Variants in SGCD observed in about 807,000 individuals in gnomAD.
The protein encoded by SGCD is sarcoglycan delta.
In SGCD, 18 loss-of-function variants were observed where a neutral mutation model predicts 36.6. The observed-to-expected ratio is 0.49, with a 90% CI of 0.34 to 0.73. The LOEUF is 0.73. Ranked by LOEUF, SGCD falls within the 30% of genes least tolerant of loss-of-function variation. The probability of loss-of-function intolerance (pLI) is 0.01; values close to 1 mark genes in which losing one functional copy is unlikely to be tolerated. For missense variants in SGCD, 387 were observed against 346.7 expected (o/e 1.12, Z -0.92); for synonymous variants, 133 against 130.6 (o/e 1.02, Z -0.12).
At chr5:155,728,461 G>A in the SGCD span, among the ~76,000 whole-genome samples, 1 of 152,204 alleles carries the variant, frequency 6.6e-6, no homozygotes, top group Admixed American at 6.5e-5. Flanking sequence ...AGGAGGAGGG[G>A]CACGGCGGAT....
chr5:156,385,463 T>C (rs901893508), intron 3 of SGCD, among the ~76,000 whole-genome samples: 4 of 152,230 alleles, frequency 2.6e-5, no homozygotes, highest in Admixed American at 2.0e-4. Flanking sequence ...GTGGTACATT[T>C]TGAAGTTAAA....
intron 1 of SGCD, among the ~76,000 whole-genome samples, chr5:155,969,170 C>T (rs746686657): frequency 2.0e-5 from 3 of 151,998 alleles, no homozygotes; most frequent in African/African-American, 2.4e-5. Flanking sequence ...CTCTAGGGTG[C>T]GTGTCTAGGT....
At chr5:156,107,990 T>G (rs1482008675) in intron 1 of SGCD, among the ~76,000 whole-genome samples, 1 of 152,148 alleles carries the variant, frequency 6.6e-6, no homozygotes, top group East Asian at 1.9e-4. Flanking sequence ...AGTAATCTGG[T>G]AGTTTCCAAT....
intron 7 of SGCD, among the ~76,000 whole-genome samples, chr5:156,751,581 AT>A (rs1481379955): frequency 6.6e-6 from 1 of 152,266 alleles, no homozygotes; most frequent in Non-Finnish European, 1.5e-5. Context: ...TTCAGATTAT[AT>A]AAAAGTATTC....
At chr5:156,411,144 G>A (rs78152602) in intron 3 of SGCD, among the ~76,000 whole-genome samples, 2,070 of 152,274 alleles carry the variant, frequency 0.014, 22 homozygotes, top group Non-Finnish European at 0.023. Context: ...TAAAAACTCA[G>A]TAAACTCTTA....
intron 3 of SGCD, among the ~76,000 whole-genome samples, chr5:156,305,122 G>T (rs755907833): frequency 1.5e-4 from 23 of 152,338 alleles, no homozygotes; most frequent in Non-Finnish European, 3.1e-4. Flanking sequence ...GCCAGCTGCA[G>T]AAATTTGCTT....
intron 1 of SGCD, among the ~76,000 whole-genome samples, chr5:156,018,750 C>T (rs1338095812): frequency 6.6e-6 from 1 of 152,172 alleles, no homozygotes; most frequent in Non-Finnish European, 1.5e-5. Flanking sequence ...GTAATTTTGT[C>T]TTTCATAGCA....
At chr5:156,132,626 G>T (rs56006139) in intron 3 of SGCD, among the ~76,000 whole-genome samples, 79 of 150,970 alleles carry the variant, frequency 5.2e-4, no homozygotes, top group Non-Finnish European at 9.3e-4. Context: ...CCACCACCAC[G>T]CCCGGCTAAT....
intron 3 of SGCD, among the ~76,000 whole-genome samples, chr5:156,167,921 G>A (rs1466932931): frequency 1.3e-5 from 2 of 152,152 alleles, no homozygotes; most frequent in Non-Finnish European, 2.9e-5. Flanking sequence ...AGTTCACCTT[G>A]GTTGATTTCA....
intron 1 of SGCD, among the ~76,000 whole-genome samples, chr5:156,045,993 A>T (rs1241042762): frequency 6.6e-6 from 1 of 152,160 alleles, no homozygotes; most frequent in Non-Finnish European, 1.5e-5. Flanking sequence ...TTAATTTTTT[A>T]AAATTATAAT....
chr5:156,399,136 C>G lies in SGCD; in HGVS notation c.192+54459C>G, dbSNP rs569813934. 2.0e-5 allele frequency among the ~76,000 whole-genome samples: 3 copies of G among 152,266 alleles called. No homozygotes were observed. The East Asian group carries it at 5.8e-4, about 29-fold the overall frequency. ...AATACAGAGATAAGTACAAGATTGA[C>G]AGAGGCTTTGCTGACCCTCAAAAGA... On this transcript the variant is annotated intron_variant, in intron 3 of 8. Transcript: ENST00000337851.
At chr5:155,795,442 G>C in the SGCD span, among the ~76,000 whole-genome samples, 180 of 152,070 alleles carry the variant, frequency 1.2e-3, 1 homozygote, top group African/African-American at 4.0e-3. Flanking sequence ...CTAACAGAAA[G>C]TAGAAAAAGT....
chr5:155,928,335 A>C (rs974448417), intron 1 of SGCD, among the ~76,000 whole-genome samples: 1 of 152,218 alleles, frequency 6.6e-6, no homozygotes, highest in Non-Finnish European at 1.5e-5. Flanking sequence ...ATCTTCATTT[A>C]TAGCAAAATA....
intron 1 of SGCD, among the ~76,000 whole-genome samples, chr5:155,912,183 T>G (rs1176386180): frequency 1.3e-5 from 2 of 151,924 alleles, no homozygotes; most frequent in African/African-American, 4.8e-5. Flanking sequence ...ACTAAAGAGA[T>G]GAAAAGATGC....
chr5:156,579,913 A>G (rs927505511), intron 4 of SGCD, among the ~76,000 whole-genome samples: 5 of 152,150 alleles, frequency 3.3e-5, no homozygotes, highest in Admixed American at 1.3e-4. Context: ...GCCCATTTAC[A>G]TTTAAGGTTA....
intron 7 of SGCD, among the ~76,000 whole-genome samples, chr5:156,746,440 C>T (rs547177324): frequency 1.3e-5 from 2 of 152,118 alleles, no homozygotes; most frequent in Non-Finnish European, 2.9e-5. Flanking sequence ...GAGTTAAATA[C>T]GTAGACATAA....
intron 4 of SGCD, among the ~76,000 whole-genome samples, chr5:156,533,116 T>G (rs1757956596): frequency 6.6e-6 from 1 of 152,142 alleles, no homozygotes. Flanking sequence ...CGCTTGCCAG[T>G]TTCATGAAGA....
chr5:155,771,333 C>G, the SGCD span, among the ~76,000 whole-genome samples: 4 of 152,070 alleles, frequency 2.6e-5, no homozygotes, highest in Non-Finnish European at 5.9e-5. Flanking sequence ...ACTCCATGCT[C>G]AAACTCCTGG....
At chr5:156,463,610 G>T (rs1754591009) in intron 3 of SGCD, among the ~76,000 whole-genome samples, 1 of 152,118 alleles carries the variant, frequency 6.6e-6, no homozygotes, top group African/African-American at 2.4e-5. Flanking sequence ...GTAGATCTTT[G>T]TTCTCCTAAT....
Sources: gnomAD v4.1 joint callset for allele counts (sites outside exome capture counted in the v4.1 genomes callset) on GRCh38, gnomAD v4.1.1 for gene constraint, MANE v1.5 for transcripts, NCBI Gene and HGNC (gene_info 2026-07-23, HGNC 2026-07-21) for gene names.